Variants in RBFOX1 observed in about 807,000 individuals in gnomAD.
The protein encoded by RBFOX1 is RNA binding fox-1 homolog 1.
Under a neutral mutation model 57.7 loss-of-function variants are expected in RBFOX1, and 8 were observed. The ratio of observed to expected loss-of-function variants is 0.14; its 90% CI spans 0.08 to 0.25. The LOEUF (loss-of-function observed/expected upper bound fraction) is 0.25. RBFOX1 is among the 10% of genes least tolerant of loss of function. The pLI is 1.00. For missense variants in RBFOX1, 611 were observed against 548.5 expected, an observed-to-expected ratio of 1.11 and a Z score of -1.14; for synonymous variants, 326 against 222.4, an observed-to-expected ratio of 1.47 and a Z score of -4.15.
At chr16:6,741,115 G>GCTTTT (rs2071947597) in intron 3 of RBFOX1, among the ~76,000 whole-genome samples, 1 of 152,088 alleles carries the variant, frequency 6.6e-6, no homozygotes, top group African/African-American at 2.4e-5. Flanking sequence ...GCAATTTAAT[G>GCTTTT]GGGGAAGTAT....
chr16:6,567,308 A>C (rs1326916916), intron 2 of RBFOX1, among the ~76,000 whole-genome samples: 1 of 152,156 alleles, frequency 6.6e-6, no homozygotes, highest in Non-Finnish European at 1.5e-5. Flanking sequence ...ATTGTCCTGA[A>C]CACAGAGAGA....
intron 4 of RBFOX1, among the ~76,000 whole-genome samples, chr16:7,185,892 C>T (rs557920154): frequency 7.2e-5 from 11 of 152,274 alleles, no homozygotes; most frequent in African/African-American, 2.4e-4. Context: ...CCAACCCATT[C>T]TTGAGCAATG....
At chr16:6,392,269 G>A (rs547229371) in intron 2 of RBFOX1, among the ~76,000 whole-genome samples, 3 of 152,118 alleles carry the variant, frequency 2.0e-5, no homozygotes, top group South Asian at 2.1e-4. Context: ...AAGACACTGC[G>A]TCTTATTTTG....
At chr16:5,732,712 A>G (rs2052424826) in intron 3 of RBFOX1, among the ~76,000 whole-genome samples, 1 of 152,122 alleles carries the variant, frequency 6.6e-6, no homozygotes, top group Admixed American at 6.6e-5. Context: ...TCACCCATTT[A>G]CTTAACAATT....
At chr16:6,015,655 T>G (rs900641132), upstream of RBFOX1, among the ~76,000 whole-genome samples, 3 of 152,210 alleles carry the variant, frequency 2.0e-5, no homozygotes, top group East Asian at 5.8e-4. Flanking sequence ...CTGTTTTGCT[T>G]CAGGCACTTT....
chr16:7,308,289 C>T (rs535728741), intron 4 of RBFOX1, among the ~76,000 whole-genome samples: 1 of 104,124 alleles, frequency 9.6e-6, no homozygotes. Flanking sequence ...CAGATTCCAC[C>T]CAGAGCTGTT....
intron 1 of RBFOX1, among the ~76,000 whole-genome samples, chr16:6,077,708 A>T (rs949729109): frequency 6.7e-6 from 1 of 150,130 alleles, no homozygotes; most frequent in Non-Finnish European, 1.5e-5. Flanking sequence ...TTATTTATTT[A>T]TTCATTTATG....
At chr16:6,171,510 T>C (rs183113019) in intron 1 of RBFOX1, among the ~76,000 whole-genome samples, 1 of 152,314 alleles carries the variant, frequency 6.6e-6, no homozygotes, top group African/African-American at 2.4e-5. Context: ...TTTGGTGGGA[T>C]ATTTGGCTCA....
chr16:6,836,857 C>G (rs776358586), intron 3 of RBFOX1, among the ~76,000 whole-genome samples: 1 of 152,124 alleles, frequency 6.6e-6, no homozygotes, highest in Non-Finnish European at 1.5e-5. Flanking sequence ...ATGCAGAATA[C>G]TTACTGCTGA....
intron 3 of RBFOX1, among the ~76,000 whole-genome samples, chr16:6,967,759 G>T (rs1323572026): frequency 6.6e-6 from 1 of 152,218 alleles, no homozygotes; most frequent in South Asian, 2.1e-4. Flanking sequence ...CCGTGCAGCT[G>T]TGGGACCCTG....
chr16:6,428,431 T>A (rs1239261504), intron 2 of RBFOX1, among the ~76,000 whole-genome samples: 1 of 152,122 alleles, frequency 6.6e-6, no homozygotes, highest in African/African-American at 2.4e-5. Flanking sequence ...AACTAATGTA[T>A]GTGTATGTAG....
chr16:7,676,832 G>C lies in RBFOX1; in HGVS notation c.989G>C (p.Ser330Thr). Reference sequence around the variant, plus strand: ...ACCCCTGCCACTGCCGCTGCCTACAGTGACAGGTAAGGGTCATCCTTCTTG... The same window carrying C: ...ACCCCTGCCACTGCCGCTGCCTACACTGACAGGTAAGGGTCATCCTTCTTG... ...QPTPATAAAY[S>T]DSYGRVYAAD... Residue 330 changes from serine (S) to threonine (T), a missense_variant, in exon 14 of 16, where the codon AGT (serine) becomes ACT (threonine). By Grantham distance (58) the Ser-to-Thr change is moderately conservative. Coordinates refer to ENST00000550418, the MANE Select transcript of RBFOX1 (RefSeq NM_018723.4). 2 of 1,612,700 alleles carry C rather than the reference G, an allele frequency of 1.2e-6. No homozygotes were observed. Among genetic ancestry groups the C allele is most frequent in the Non-Finnish European group, 1.7e-6 (2 of 1,178,872 alleles).
At chr16:5,476,126 C>T (rs1310363250) in intron 2 of RBFOX1, among the ~76,000 whole-genome samples, 1 of 152,164 alleles carries the variant, frequency 6.6e-6, no homozygotes, top group African/African-American at 2.4e-5. Flanking sequence ...ACCAGCACCA[C>T]TCACGTTTTA....
intron 4 of RBFOX1, among the ~76,000 whole-genome samples, chr16:7,505,351 G>T (rs12598763): frequency 0.11 from 16,557 of 152,068 alleles, 1,284 homozygotes; most frequent in African/African-American, 0.22. Flanking sequence ...TTTGACAGAG[G>T]TTTTCAGTGG....
intron 4 of RBFOX1, among the ~76,000 whole-genome samples, chr16:7,071,050 C>A (rs142966801): frequency 2.0e-5 from 3 of 152,274 alleles, no homozygotes; most frequent in East Asian, 3.9e-4. Context: ...AACAGCATAG[C>A]CCTTCACAAG....
intron 4 of RBFOX1, among the ~76,000 whole-genome samples, chr16:7,351,282 A>T (rs1480376944): frequency 6.6e-6 from 1 of 152,234 alleles, no homozygotes; most frequent in Admixed American, 6.5e-5. Flanking sequence ...AATAGAGGGA[A>T]ACTTTTCTAT....
intron 3 of RBFOX1, among the ~76,000 whole-genome samples, chr16:6,702,548 C>T (rs1189715962): frequency 3.1e-5 from 2 of 64,728 alleles, no homozygotes; most frequent in African/African-American, 6.0e-5. Context: ...AGCGAGAGTC[C>T]ATCTCAAAAA....
intron 2 of RBFOX1, among the ~76,000 whole-genome samples, chr16:5,475,855 A>G (rs2069303086): frequency 1.3e-5 from 2 of 152,284 alleles, no homozygotes; most frequent in South Asian, 4.2e-4. Context: ...GCCGAAGTGC[A>G]AGTACAGTGG....
At chr16:7,243,808 C>G (rs2094172059) in intron 4 of RBFOX1, among the ~76,000 whole-genome samples, 1 of 152,042 alleles carries the variant, frequency 6.6e-6, no homozygotes, top group East Asian at 1.9e-4. Context: ...GCCTAGCCTC[C>G]CAAAGTGCTG....
Sources: gnomAD v4.1 joint callset for allele counts (sites outside exome capture counted in the v4.1 genomes callset) on GRCh38, gnomAD v4.1.1 for gene constraint, MANE v1.5 for transcripts, NCBI Gene and HGNC (gene_info 2026-07-23, HGNC 2026-07-21) for gene names.